TMTC2: variants seen among roughly 807,000 people sequenced by gnomAD.
TMTC2 encodes transmembrane O-mannosyltransferase targeting cadherins 2, also known as protein O-mannosyl-transferase TMTC2.
TMTC2 carries 43 observed loss-of-function variants against 82.4 expected under a neutral mutation model. The observed-to-expected ratio is 0.52, with a 90% CI of 0.41 to 0.67. The LOEUF is 0.67. Ranked by LOEUF, TMTC2 falls within the 30% of genes least tolerant of loss-of-function variation. TMTC2 has a pLI of 0.00. For missense variants in TMTC2, 919 were observed against 1,012.4 expected (o/e 0.91, Z 1.25); for synonymous variants, 408 against 381.9 (o/e 1.07, Z -0.80).
At chr12:82,989,793 C>A (rs1879325023) in intron 8 of TMTC2, among the ~76,000 whole-genome samples, 1 of 150,258 alleles carries the variant, frequency 6.7e-6, no homozygotes. Context: ...ATTTACCAAA[C>A]CATATGGAAG....
intron 8 of TMTC2, among the ~76,000 whole-genome samples, chr12:83,016,293 A>G (rs1655605): frequency 0.79 from 120,053 of 152,134 alleles, 48,216 homozygotes; most frequent in South Asian, 0.93. Flanking sequence ...ATTTTAAGCC[A>G]CCAGCACTTG....
At chr12:83,060,278 G>A (rs1311374863) in intron 10 of TMTC2, among the ~76,000 whole-genome samples, 1 of 151,640 alleles carries the variant, frequency 6.6e-6, no homozygotes. Flanking sequence ...AGAAAAATAT[G>A]TCCTACACTC....
chr12:82,951,985 A>G (rs1877372495), intron 4 of TMTC2, among the ~76,000 whole-genome samples: 1 of 152,196 alleles, frequency 6.6e-6, no homozygotes, highest in Non-Finnish European at 1.5e-5. Context: ...CCTCGAATAC[A>G]AAGTCTGCTA....
intron 1 of TMTC2, among the ~76,000 whole-genome samples, chr12:82,702,208 A>C (rs1873120526): frequency 6.6e-6 from 1 of 152,218 alleles, no homozygotes; most frequent in Non-Finnish European, 1.5e-5. Flanking sequence ...AATACAATAA[A>C]CCATATCAAC....
At chr12:82,714,938 T>C (rs1173151816) in intron 1 of TMTC2, among the ~76,000 whole-genome samples, 1 of 152,082 alleles carries the variant, frequency 6.6e-6, no homozygotes, top group Non-Finnish European at 1.5e-5. Flanking sequence ...ATCTCTAGGT[T>C]TGCTAAAAAT....
intron 1 of TMTC2, among the ~76,000 whole-genome samples, chr12:82,828,761 A>G (rs938765339): frequency 6.6e-6 from 1 of 152,166 alleles, no homozygotes; most frequent in Non-Finnish European, 1.5e-5. Flanking sequence ...GGTCATGCAC[A>G]GCACAGATTA....
intron 1 of TMTC2, among the ~76,000 whole-genome samples, chr12:82,752,210 G>A (rs531869877): frequency 2.0e-5 from 3 of 148,516 alleles, no homozygotes; most frequent in African/African-American, 7.5e-5. Flanking sequence ...GGCTGGGTGC[G>A]GTGGTGACTC....
intron 1 of TMTC2, among the ~76,000 whole-genome samples, chr12:82,845,002 C>T (rs1290880992): frequency 2.0e-5 from 3 of 150,992 alleles, no homozygotes; most frequent in Non-Finnish European, 4.4e-5. Context: ...CCGAGGTGGG[C>T]GGATCACTTG....
In TMTC2 at chr12:82,757,899, T is replaced by C. The variant is rs78788594; in HGVS notation, c.83+70230T>C. On this transcript the variant is annotated intron_variant, in intron 1 of 11. Coordinates refer to ENST00000321196, the MANE Select transcript of TMTC2 (RefSeq NM_152588.3). ...GGATTGGATCAGGCAATTATCACCA[T>C]AGATAATGACAAGAGAAGCCCTTCA... 4.2e-3 allele frequency among the ~76,000 whole-genome samples: 638 copies of C among 152,230 alleles called. 4 individuals are homozygous for C. The highest frequency in any genetic ancestry group is 0.015 in the African/African-American group (605 of 41,532).
At chr12:82,876,071 G>GTATTC (rs1565788796) in intron 2 of TMTC2, among the ~76,000 whole-genome samples, 13 of 119,110 alleles carry the variant, frequency 1.1e-4, no homozygotes, top group Non-Finnish European at 1.7e-4. Flanking sequence ...TGGTGGTGAT[G>GTATTC]ATGATGATGG....
intron 3 of TMTC2, among the ~76,000 whole-genome samples, chr12:82,911,476 G>C (rs970988395): frequency 1.3e-5 from 2 of 152,010 alleles, no homozygotes; most frequent in African/African-American, 4.8e-5. Context: ...TATCATCCAA[G>C]GGGATCTAGG....
At chr12:83,130,759 T>C (rs1885236109) in intron 11 of TMTC2, among the ~76,000 whole-genome samples, 1 of 152,222 alleles carries the variant, frequency 6.6e-6, no homozygotes, top group Non-Finnish European at 1.5e-5. Flanking sequence ...ACCTGCATTC[T>C]GCTATGTATA....
At chr12:83,074,768 A>G (rs1883229958) in intron 11 of TMTC2, among the ~76,000 whole-genome samples, 1 of 152,010 alleles carries the variant, frequency 6.6e-6, no homozygotes, top group Admixed American at 6.5e-5. Flanking sequence ...GAGGTCTTGA[A>G]AACTTGCCCC....
intron 11 of TMTC2, among the ~76,000 whole-genome samples, chr12:83,100,302 C>T (rs1232828780): frequency 6.6e-6 from 1 of 152,142 alleles, no homozygotes; most frequent in Non-Finnish European, 1.5e-5. Context: ...TGTACCTCCT[C>T]TATTACTTAT....
intron 11 of TMTC2, among the ~76,000 whole-genome samples, chr12:83,064,370 A>G (rs1882848241): frequency 6.6e-6 from 1 of 151,986 alleles, no homozygotes. Flanking sequence ...ATGTTTCTTC[A>G]TAAAACCACT....
intron 1 of TMTC2, among the ~76,000 whole-genome samples, chr12:82,799,919 G>T (rs1878913667): frequency 6.6e-6 from 1 of 151,940 alleles, no homozygotes; most frequent in Admixed American, 6.6e-5. Context: ...TTGTTTCTTT[G>T]TCCAGGATCC....
In TMTC2 at chr12:82,896,651, T is replaced by A; in HGVS notation, c.1483+5T>A. On this transcript the variant is annotated splice_donor_5th_base_variant and intron_variant, in intron 3 of 11. Transcript: ENST00000321196. Reference sequence around the variant, plus strand: ...TAAAAGTAAACCCAGCTAAAGGTAATCTTTTATTTTATGCTTTTGTCTGGA... The same window carrying A: ...TAAAAGTAAACCCAGCTAAAGGTAAACTTTTATTTTATGCTTTTGTCTGGA... 6.3e-7 allele frequency: 1 copy of A among 1,584,300 alleles called. No individual in the cohort carries two copies. The highest frequency in any genetic ancestry group is 8.6e-7 in the Non-Finnish European group (1 of 1,167,440).
intron 11 of TMTC2, among the ~76,000 whole-genome samples, chr12:83,113,780 A>G (rs1884669781): frequency 6.6e-6 from 1 of 152,226 alleles, no homozygotes; most frequent in Admixed American, 6.5e-5. Context: ...TGCATCAGTC[A>G]GTATGTTTAC....
chr12:82,704,956 C>T (rs1049548289), intron 1 of TMTC2, among the ~76,000 whole-genome samples: 6 of 152,064 alleles, frequency 3.9e-5, no homozygotes, highest in South Asian at 4.1e-4. Context: ...CATCAATCAA[C>T]GAGTTAATAA....
Sources: gnomAD v4.1 joint callset for allele counts (sites outside exome capture counted in the v4.1 genomes callset) on GRCh38, gnomAD v4.1.1 for gene constraint, MANE v1.5 for transcripts, NCBI Gene and HGNC (gene_info 2026-07-23, HGNC 2026-07-21) for gene names.